Variants in MTX3 observed in about 807,000 individuals in gnomAD.
The protein encoded by MTX3 is metaxin-3.
MTX3 carries 27 observed loss-of-function variants against 42.5 expected under a neutral mutation model. That is an observed-to-expected ratio of 0.64 (90% CI 0.47 to 0.88). The LOEUF (loss-of-function observed/expected upper bound fraction) is 0.88, where lower values mean the gene tolerates loss of function less well. Among genes scored for constraint, MTX3 ranks in the 40% least tolerant of loss-of-function variants. The probability of loss-of-function intolerance (pLI) is 0.00; values close to 1 mark genes in which losing one functional copy is unlikely to be tolerated. For synonymous variants in MTX3, 144 were observed against 132.9 expected (o/e 1.08, Z -0.57); for missense variants, 378 against 367.0 (o/e 1.03, Z -0.25).
At chr5:79,988,904 T>G (rs1047160790) in intron 4 of MTX3, among the ~76,000 whole-genome samples, 2 of 152,170 alleles carry the variant, frequency 1.3e-5, no homozygotes, top group African/African-American at 4.8e-5. Flanking sequence ...TTACACCCAA[T>G]TCTATACATG....
Position 79,983,698 on chromosome 5 carries a change from G to A in MTX3, c.925C>T (p.Arg309Trp), listed in dbSNP as rs371878251. 8.1e-6 allele frequency: 13 copies of A among 1,613,024 alleles called. No individual in the cohort carries two copies. The highest frequency in any genetic ancestry group is 1.7e-5 in the Admixed American group (1 of 59,998). The stretch of plus-strand genomic sequence containing the variant: ...CATGACTACTCTCAGGGCGAAAGCC[G>A]TTGGAAGGAATTATTTTCTTCTTCT... ...PAEEENNSFQRLSP is the reference protein window; with the variant it reads ...PAEEENNSFQWLSP Residue 309 changes from arginine (R) to tryptophan (W), a missense_variant, in exon 9 of 9, where the codon CGG becomes TGG. Arg to Trp is a moderately radical substitution (Grantham distance 101). Coordinates refer to ENST00000512528, the MANE Select transcript of MTX3 (RefSeq NM_001363818.2).
At chr5:79,988,406 T>C (rs1016639075) in intron 5 of MTX3, 56 bp downstream of exon 5, 19 of 1,567,514 alleles carry the variant, frequency 1.2e-5, no homozygotes, top group Admixed American at 3.6e-5. Flanking sequence ...CAAGTCTGCA[T>C]TTTATCTTGT....
chr5:79,985,330 C>G (rs1831465818), intron 8 of MTX3, among the ~76,000 whole-genome samples: 1 of 152,038 alleles, frequency 6.6e-6, no homozygotes, highest in South Asian at 2.1e-4. Context: ...TTAAAGGGTA[C>G]TAACTGTGTG....
At position 79,988,312 on chromosome 5, in the gene MTX3, A is replaced by G. The variant is rs750980970; in HGVS notation, c.508T>C (p.Tyr170His). 19 of 1,544,890 alleles carry G rather than the reference A, an allele frequency of 1.2e-5. No individual in the cohort carries two copies. The highest frequency in any genetic ancestry group is 7.1e-5 in the South Asian group (6 of 84,052). ...TTTAGGCACTCCTTGGCATCTCTGT[A>G]TATCTAATAAGGATGAAATTATATC... ...YHLREVEAQI[Y>H]RDAKECLNLL... The change falls in exon 6 of 9, where the codon TAC becomes CAC. Residue 170 changes from tyrosine (Y) to histidine (H), a missense_variant. Coordinates refer to ENST00000512528, the MANE Select transcript of MTX3 (RefSeq NM_001363818.2).
Position 79,983,287 on chromosome 5 carries a change from G to A in MTX3, c.*397C>T, listed in dbSNP as rs1450866758. The A allele has an allele frequency of 6.1e-6, 1 of 164,082 alleles. No homozygotes were observed. Among genetic ancestry groups the A allele is most frequent in the East Asian group, 1.8e-4 (1 of 5,428 alleles). 10.2% of individuals were successfully genotyped at this position (164,082 alleles called of 1,614,324 possible). On this transcript the variant is annotated 3_prime_UTR_variant, in exon 9 of 9. Transcript: ENST00000512528. ...AAGCCACATATTAGGTATTCAGCCT[G>A]GTCTAAGAAAACTAAGTTAATAAAT...
chr5:79,988,496 G>C lies in MTX3; in HGVS notation c.470C>G (p.Pro157Arg). Residue 157 changes from proline to arginine, a missense_variant, in exon 5 of 9, where the codon CCT becomes CGT. Pro to Arg is a moderately radical substitution (Grantham distance 103). Coordinates refer to ENST00000512528, the MANE Select transcript of MTX3 (RefSeq NM_001363818.2). ...LNRILLTRGQ[P>R]PLYHLREVEA... is the part of the protein sequence containing the mutation. The stretch of plus-strand genomic sequence containing the variant: ...CACTTCTCGGAGGTGGTAGAGGGGA[G>C]GCTGTCCTCTGGTCAGGAGAATCCT... 1.2e-6 allele frequency: 2 copies of C among 1,612,804 alleles called. No individual in the cohort carries two copies. Among genetic ancestry groups the C allele is most frequent in the Non-Finnish European group, 1.7e-6 (2 of 1,179,580 alleles).
In MTX3 at chr5:79,980,610, G is replaced by C. The variant is rs1242087360; in HGVS notation, c.*3074C>G. On this transcript the variant is annotated 3_prime_UTR_variant, in exon 9 of 9. Coordinates refer to ENST00000512528, the MANE Select transcript of MTX3 (RefSeq NM_001363818.2). Reference sequence around the variant, plus strand: ...TCTGATGGATGATTGATGGTAGTTTGTTCATGGAAGATCTTCATCTTATGG... The same window carrying C: ...TCTGATGGATGATTGATGGTAGTTTCTTCATGGAAGATCTTCATCTTATGG... 6 of 150,752 alleles carry C rather than the reference G, an allele frequency of 4.0e-5. No individual in the cohort carries two copies. The highest frequency in any genetic ancestry group is 1.3e-4 in the Admixed American group (2 of 15,120). The allele number at this position is 150,752 out of a possible 1,614,324, so 9.3% of individuals were successfully genotyped here.
Position 79,989,185 on chromosome 5 carries a change from A to G in MTX3, c.288T>C (p.Ile96=), listed in dbSNP as rs1366886879. ...GGAGAAGCTTCTCTTCGAGGAGAGCAATATAAGCCAATGTATCTGCCCCTT... is the reference window on the plus strand; with the variant it reads ...GGAGAAGCTTCTCTTCGAGGAGAGCGATATAAGCCAATGTATCTGCCCCTT... The part of the protein sequence containing the change: ...AKQGADTLAY[I]ALLEEKLLPA... The change falls in exon 4 of 9, where the codon ATT becomes ATC. Residue 96 remains isoleucine (I), a synonymous_variant. Coordinates refer to ENST00000512528, the MANE Select transcript of MTX3 (RefSeq NM_001363818.2). The G allele has an allele frequency of 1.2e-6, 2 of 1,608,826 alleles. No individual in the cohort carries two copies. Among genetic ancestry groups the G allele is most frequent in the Non-Finnish European group, 1.7e-6 (2 of 1,177,476 alleles).
chr5:79,987,883 T>C (rs1580887979), intron 6 of MTX3, among the ~76,000 whole-genome samples: 1 of 152,216 alleles, frequency 6.6e-6, no homozygotes, highest in Non-Finnish European at 1.5e-5. Flanking sequence ...TGGCGTGATC[T>C]CAGCTCACTG....
In MTX3 at chr5:79,983,727, G is replaced by C. The variant is rs1424141068; in HGVS notation, c.896C>G (p.Pro299Arg). 1.1e-5 allele frequency: 18 copies of C among 1,613,818 alleles called. No homozygotes were observed. Among genetic ancestry groups the C allele is most frequent in the Non-Finnish European group, 1.4e-5 (17 of 1,179,828 alleles). Residue 299 changes from proline (P) to arginine (R), a missense_variant, in exon 9 of 9, where the codon CCA becomes CGA. Coordinates refer to ENST00000512528, the MANE Select transcript of MTX3 (RefSeq NM_001363818.2). ...PRKLPTLKLT[P>R]AEEENNSFQR... is the part of the protein sequence containing the mutation. The stretch of plus-strand genomic sequence containing the variant: ...GAAGGAATTATTTTCTTCTTCTGCT[G>C]GAGTCAATTTAAGTGTTGGCAGTTT...
chr5:79,985,858 G>A (rs541915092), intron 7 of MTX3, among the ~76,000 whole-genome samples, 199 bp from the exon 8 acceptor site: 5 of 150,978 alleles, frequency 3.3e-5, no homozygotes, highest in South Asian at 2.1e-4. Context: ...TGAGCAAAAC[G>A]GACAAAAATT....
rs1398414362 is a variant in MTX3, at chr5:79,983,734, AT to A, written c.888del (p.Lys296AsnfsTer2). The stretch of plus-strand genomic sequence containing the variant: ...TTATTTTCTTCTTCTGCTGGAGTCA[AT>A]TTAAGTGTTGGCAGTTTCCGAGGAG... ...QLPPRKLPTL[K>X]LTPAEEENNS... On this transcript the variant is annotated frameshift_variant, in exon 9 of 9. Coordinates refer to ENST00000512528, the MANE Select transcript of MTX3 (RefSeq NM_001363818.2). LOFTEE classifies it high-confidence loss of function. 11 of 1,613,958 alleles carry A rather than the reference AT, an allele frequency of 6.8e-6. No homozygotes were observed. The highest frequency in any genetic ancestry group is 6.6e-5 in the South Asian group (6 of 91,074).
At chr5:79,990,989 G>T (rs891503444) in intron 1 of MTX3, 169 bp downstream of exon 1, 2 of 774,474 alleles carry the variant, frequency 2.6e-6, no homozygotes, top group Non-Finnish European at 4.5e-6. Context: ...CTTCGGCGGG[G>T]GTATCGGCCA....
In MTX3 at chr5:79,981,184, A is replaced by G. The variant is rs1233741318; in HGVS notation, c.*2500T>C. The G allele has an allele frequency of 1.3e-5, 2 of 152,168 alleles. No homozygotes were observed. Among genetic ancestry groups the G allele is most frequent in the Non-Finnish European group, 2.9e-5 (2 of 68,080 alleles). The allele number at this position is 152,168 out of a possible 1,614,324, so 9.4% of individuals were successfully genotyped here. On this transcript the variant is annotated 3_prime_UTR_variant, in exon 9 of 9. Coordinates refer to ENST00000512528, the MANE Select transcript of MTX3 (RefSeq NM_001363818.2). ...GTGAAACTCTGTCTCAAAAAAAAAA[A>G]AAAGTTCTTTTCTAAGAGCTTCCTG...
chr5:79,985,337 T>A (rs896047845), intron 8 of MTX3, among the ~76,000 whole-genome samples: 1 of 152,102 alleles, frequency 6.6e-6, no homozygotes, highest in Non-Finnish European at 1.5e-5. Flanking sequence ...GTACTAACTG[T>A]GTGGCAAAAG....
intron 6 of MTX3, 65 bp from the exon 7 acceptor site, chr5:79,987,172 G>C (rs1831514429): frequency 4.1e-6 from 6 of 1,453,572 alleles, no homozygotes; most frequent in Non-Finnish European, 5.7e-6. Context: ...GGGTGTGGTG[G>C]CTCATGCCTG....
chr5:79,991,107 C>T, intron 1 of MTX3, 51 bp downstream of exon 1: 1 of 1,504,402 alleles, frequency 6.6e-7, no homozygotes, highest in Non-Finnish European at 9.0e-7. Context: ...CAGCCTGGCG[C>T]CTCCAGCCCC....
intron 4 of MTX3, 48 bp from the exon 5 acceptor site, chr5:79,988,692 G>C: frequency 7.0e-7 from 1 of 1,427,958 alleles, no homozygotes; most frequent in Non-Finnish European, 9.4e-7. Context: ...TTTATTAAAT[G>C]AAAGATCACT....
In MTX3 at chr5:79,987,004, G is replaced by T. The variant is rs764964416; in HGVS notation, c.685C>A (p.Leu229Ile). 1 of 1,613,862 alleles carries T rather than the reference G, an allele frequency of 6.2e-7. No homozygotes were observed. Among genetic ancestry groups the T allele is most frequent in the Admixed American group, 1.7e-5 (1 of 60,000 alleles). ...AGGATGTCATCACAAAAGCGACAGA[G>T]GTTGGAGAGCTGTTTCAGATGTTCT... ...LQEHLKQLSN[L>I]CRFCDDILSS... is the part of the protein sequence containing the mutation. The change falls in exon 7 of 9, where the codon CTC becomes ATC. Residue 229 changes from leucine (L) to isoleucine (I), a missense_variant. Physicochemically the swap from Leu to Ile is conservative, Grantham distance 5. Transcript: ENST00000512528.
Sources: allele counts gnomAD v4.1 joint callset (sites outside exome capture counted in the v4.1 genomes callset), GRCh38; gene constraint gnomAD v4.1.1; transcripts MANE v1.5; gene names NCBI Gene and HGNC (gene_info 2026-07-23, HGNC 2026-07-21).